C6orf132: variants seen among roughly 807,000 people sequenced by gnomAD.
C6orf132 encodes uncharacterized protein C6orf132.
Under a neutral mutation model 65.3 loss-of-function variants are expected in C6orf132, and 43 were observed. The observed-to-expected ratio is 0.66, with a 90% CI of 0.52 to 0.85. C6orf132 has a LOEUF of 0.85. Among genes scored for constraint, C6orf132 ranks in the 40% least tolerant of loss-of-function variants. The probability of loss-of-function intolerance (pLI) is 0.00; values close to 1 mark genes in which losing one functional copy is unlikely to be tolerated. For synonymous variants in C6orf132, 631 were observed against 654.1 expected, an observed-to-expected ratio of 0.96 and a Z score of 0.54; for missense variants, 1,488 against 1,548.8, an observed-to-expected ratio of 0.96 and a Z score of 0.66.
intron 1 of C6orf132, among the ~76,000 whole-genome samples, chr6:42,131,112 C>T (rs112920330): frequency 0.1 from 15,175 of 152,196 alleles, 858 homozygotes; most frequent in Non-Finnish European, 0.12. Context: ...TCTCAAACTC[C>T]TGAACTCAGG....
chr6:42,133,358 C>A (rs1423117246), intron 1 of C6orf132, among the ~76,000 whole-genome samples: 2 of 152,234 alleles, frequency 1.3e-5, no homozygotes, highest in Admixed American at 1.3e-4. Context: ...CTTGCAAACT[C>A]CCTTGGTGTC....
intron 2 of C6orf132, among the ~76,000 whole-genome samples, chr6:42,128,173 C>CA (rs1562040470): frequency 6.6e-6 from 1 of 151,588 alleles, no homozygotes; most frequent in Non-Finnish European, 1.5e-5. Flanking sequence ...TGATCTGCCC[C>CA]CTTGGCCTCC....
Position 42,105,051 on chromosome 6 carries a change from A to C in C6orf132, c.2861T>G (p.Leu954Arg), listed in dbSNP as rs1582267290. ...VAWERVAPSN[L>R]PQGHPLPKSF... ...CTTGGGCAGCGGGTGGCCCTGGGGG[A>C]GGTTGGAGGGAGCTACTCTTTCCCA... Residue 954 changes from leucine to arginine, a missense_variant, in exon 4 of 5, where the codon CTC becomes CGC. Leu to Arg is a moderately radical substitution (Grantham distance 102, BLOSUM62 -2). Coordinates refer to ENST00000341865, the MANE Select transcript of C6orf132 (RefSeq NM_001164446.3). The C allele has an allele frequency of 6.5e-7, 1 of 1,534,746 alleles. No individual in the cohort carries two copies. The highest frequency in any genetic ancestry group is 8.7e-7 in the Non-Finnish European group (1 of 1,146,214).
intron 2 of C6orf132, among the ~76,000 whole-genome samples, chr6:42,117,245 C>T (rs1255762887): frequency 6.6e-6 from 1 of 152,204 alleles, no homozygotes; most frequent in African/African-American, 2.4e-5. Flanking sequence ...GAGTACTTCA[C>T]ATATAGCAAC....
chr6:42,115,207 T>C (rs1237515532), intron 2 of C6orf132, among the ~76,000 whole-genome samples: 1 of 147,464 alleles, frequency 6.8e-6, no homozygotes, highest in Non-Finnish European at 1.5e-5. Flanking sequence ...GGGGAATCAC[T>C]TGAACCCGGG....
chr6:42,111,021 A>G (rs1766486391), intron 2 of C6orf132, among the ~76,000 whole-genome samples: 1 of 152,244 alleles, frequency 6.6e-6, no homozygotes, highest in Non-Finnish European at 1.5e-5. Context: ...TTGACTCTCC[A>G]TGGAGGTCCA....
intron 3 of C6orf132, among the ~76,000 whole-genome samples, chr6:42,109,004 A>C (rs560893676): frequency 1.4e-4 from 21 of 152,280 alleles, no homozygotes; most frequent in South Asian, 1.0e-3. Flanking sequence ...AAAAACAGAC[A>C]AACACTGGTC....
chr6:42,137,728 T>C (rs889622627), intron 1 of C6orf132, among the ~76,000 whole-genome samples: 1 of 151,200 alleles, frequency 6.6e-6, no homozygotes, highest in Non-Finnish European at 1.5e-5. Flanking sequence ...ACAATTCCCC[T>C]GGAGCTGGTT....
At chr6:42,135,563 T>C (rs141963810) in intron 1 of C6orf132, among the ~76,000 whole-genome samples, 25 of 152,316 alleles carry the variant, frequency 1.6e-4, no homozygotes, top group African/African-American at 6.0e-4. Context: ...TTGGAAGGAA[T>C]GTTCTTCCTC....
intron 2 of C6orf132, among the ~76,000 whole-genome samples, chr6:42,121,836 G>A (rs1766691225): frequency 6.6e-6 from 1 of 152,184 alleles, no homozygotes; most frequent in African/African-American, 2.4e-5. Flanking sequence ...TGCAGGCTGT[G>A]AGAAAAGGAA....
In C6orf132 at chr6:42,106,422, G is replaced by A; in HGVS notation, c.1490C>T (p.Ala497Val). 1 of 1,536,154 alleles carries A rather than the reference G, an allele frequency of 6.5e-7. No homozygotes were observed. Among genetic ancestry groups the A allele is most frequent in the Non-Finnish European group, 8.7e-7 (1 of 1,146,866 alleles). ...FLSHRPGPTV[A>V]PQSKEGKKGP... ...CTTCTTGCCCTCCTTGCTCTGAGGG[G>A]CCACTGTTGGGCCTGGCCTGTGACT... Residue 497 changes from alanine to valine, a missense_variant, in exon 4 of 5, where the codon GCC becomes GTC. Physicochemically the swap from Ala to Val is moderately conservative, Grantham distance 64. Coordinates refer to ENST00000341865, the MANE Select transcript of C6orf132 (RefSeq NM_001164446.3).
intron 2 of C6orf132, among the ~76,000 whole-genome samples, chr6:42,120,615 TG>T (rs1766666294): frequency 6.6e-6 from 1 of 150,472 alleles, no homozygotes; most frequent in African/African-American, 2.5e-5. Flanking sequence ...AATAATAGTG[TG>T]TTTTTTGGGG....
At chr6:42,129,885 T>C (rs1418449370) in intron 1 of C6orf132, among the ~76,000 whole-genome samples, 1 of 152,218 alleles carries the variant, frequency 6.6e-6, no homozygotes, top group African/African-American at 2.4e-5. Context: ...TCATGATTAC[T>C]TTTCTCCTTG....
rs1293918475 is a variant in C6orf132, at chr6:42,104,353, C to T, written c.3449+110G>A. ...CCCTCCCGCGTTCTACCTGCAAGGC[C>T]GAAGGGAGAAAACCAAATGTTTTCT... is the stretch of plus-strand genomic sequence containing the variant. On this transcript the variant is annotated intron_variant, in intron 4 of 4. Transcript: ENST00000341865. This position sits in a 1 kb window ranked among gnomAD's most constrained non-coding sequence, Gnocchi z 4.1. 3.3e-6 allele frequency: 4 copies of T among 1,222,778 alleles called. No homozygotes were observed. The African/African-American group carries it at 4.7e-5, about 14-fold the overall frequency. 75.7% of individuals were successfully genotyped at this position (1,222,778 alleles called of 1,614,324 possible).
At position 42,103,962 on chromosome 6, in the gene C6orf132, A is replaced by G. The variant is rs549450548; in HGVS notation, c.3450-84T>C. ...TCATCTCCCCGAGGGACCGAGAGGA[A>G]AAGATGCTGCTCATACTTCTGTATT... On this transcript the variant is annotated intron_variant, in intron 4 of 4. Transcript: ENST00000341865. 7 of 955,452 alleles carry G rather than the reference A, an allele frequency of 7.3e-6. No individual in the cohort carries two copies. The East Asian group carries it at 1.3e-4, about 18-fold the overall frequency. 59.2% of individuals were successfully genotyped at this position (955,452 alleles called of 1,614,324 possible). A position where few individuals can be genotyped will look rare whatever the true frequency, so the allele number is the denominator to read the frequency against.
At position 42,128,601 on chromosome 6, in the gene C6orf132, C is replaced by T. The variant is rs1288050009; in HGVS notation, c.252+71G>A. Reference sequence around the variant, plus strand: ...GGACAGAGGGTGCAGCTGATGTCCACTCGGGCTAGGGCAGCCTTGGTGTCC... The same window carrying T: ...GGACAGAGGGTGCAGCTGATGTCCATTCGGGCTAGGGCAGCCTTGGTGTCC... On this transcript the variant is annotated intron_variant, in intron 2 of 4. Coordinates refer to ENST00000341865, the MANE Select transcript of C6orf132 (RefSeq NM_001164446.3). 1.1e-5 allele frequency: 14 copies of T among 1,228,540 alleles called. 1 individual carries two copies. Among genetic ancestry groups the T allele is most frequent in the South Asian group, 9.1e-5 (7 of 76,650 alleles). 76.1% of individuals were successfully genotyped at this position (1,228,540 alleles called of 1,614,324 possible). A position where few individuals can be genotyped will look rare whatever the true frequency, so the allele number is the denominator to read the frequency against.
intron 3 of C6orf132, among the ~76,000 whole-genome samples, 194 bp downstream of exon 3, chr6:42,110,022 C>A (rs911634033): frequency 1.4e-4 from 22 of 152,218 alleles, no homozygotes; most frequent in East Asian, 1.3e-3. Flanking sequence ...GACCGTGGCT[C>A]TCCTCAACTC....
chr6:42,128,572 G>T lies in C6orf132; in HGVS notation c.252+100C>A, dbSNP rs1766802168. 5 of 850,640 alleles carry T rather than the reference G, an allele frequency of 5.9e-6. No individual in the cohort carries two copies. The Admixed American group carries it at 1.1e-4, about 18-fold the overall frequency. 52.7% of individuals were successfully genotyped at this position (850,640 alleles called of 1,614,324 possible). ...CGCCGGGTCAGCATCAGGAAGGAAG[G>T]GGTGGACAGAGGGTGCAGCTGATGT... On this transcript the variant is annotated intron_variant, in intron 2 of 4. Transcript: ENST00000341865.
intron 1 of C6orf132, among the ~76,000 whole-genome samples, chr6:42,139,787 A>G (rs1156951128): frequency 6.6e-6 from 1 of 152,210 alleles, no homozygotes; most frequent in Non-Finnish European, 1.5e-5. Context: ...GACCCAGGGA[A>G]GCCAAAAGAT....
Sources: allele counts gnomAD v4.1 joint callset (sites outside exome capture counted in the v4.1 genomes callset), GRCh38; gene constraint gnomAD v4.1.1; non-coding constraint Gnocchi (gnomAD v3.1); transcripts MANE v1.5; gene names NCBI Gene and HGNC (gene_info 2026-07-23, HGNC 2026-07-21).